The following SHB variants were observed in gnomAD, a reference collection of about 807,000 sequenced individuals.
SHB encodes SH2 domain containing adaptor protein B, also known as SH2 domain-containing adapter protein B.
SHB carries 20 observed loss-of-function variants against 52.3 expected under a neutral mutation model. That is an observed-to-expected ratio of 0.38 (90% confidence interval 0.27 to 0.56). The LOEUF (loss-of-function observed/expected upper bound fraction) is 0.56. Ranked by LOEUF, SHB falls within the 20% of genes least tolerant of loss-of-function variation. The pLI is 0.71. For missense variants in SHB, 825 were observed against 723.3 expected (o/e 1.14, Z -1.61); for synonymous variants, 397 against 316.5 (o/e 1.25, Z -2.70).
chr9:38,046,358 T>C (rs970960530), intron 1 of SHB, among the ~76,000 whole-genome samples: 1 of 152,222 alleles, frequency 6.6e-6, no homozygotes, highest in Admixed American at 6.5e-5. Context: ...CCTGAAATAC[T>C]ATTTGGCCCT....
chr9:38,029,328 T>C (rs1821384986), intron 1 of SHB, among the ~76,000 whole-genome samples: 1 of 152,264 alleles, frequency 6.6e-6, no homozygotes, highest in Admixed American at 6.5e-5. Context: ...CATACAACAG[T>C]ATAGACAAGC....
chr9:38,017,296 C>T (rs978266013), intron 1 of SHB, among the ~76,000 whole-genome samples: 12 of 152,216 alleles, frequency 7.9e-5, no homozygotes, highest in African/African-American at 2.9e-4. Flanking sequence ...GCGTTCCTCT[C>T]AACCCTTGGG....
intron 1 of SHB, among the ~76,000 whole-genome samples, chr9:38,055,808 C>T (rs749897688): frequency 1.3e-5 from 2 of 151,876 alleles, no homozygotes; most frequent in African/African-American, 2.4e-5. Context: ...GCTCAAGCCA[C>T]ATGGGCAGGG....
intron 5 of SHB, 151 bp downstream of exon 5, chr9:37,948,484 T>G (rs1307615395): frequency 2.6e-5 from 22 of 862,034 alleles, no homozygotes; most frequent in African/African-American, 6.7e-5. Flanking sequence ...CCCAGGAGAA[T>G]AGGATCAAAT....
intron 1 of SHB, among the ~76,000 whole-genome samples, chr9:38,049,562 C>T (rs1481213925): frequency 6.7e-6 from 1 of 150,292 alleles, no homozygotes; most frequent in East Asian, 2.0e-4. Context: ...AGTGAGCTAT[C>T]GCACCACTGC....
chr9:37,987,717 G>T (rs1431311135), intron 2 of SHB, among the ~76,000 whole-genome samples: 4 of 152,182 alleles, frequency 2.6e-5, no homozygotes, highest in Non-Finnish European at 5.9e-5. Flanking sequence ...ATCATGGTTG[G>T]GGGGCCTGGG....
intron 2 of SHB, among the ~76,000 whole-genome samples, chr9:37,995,004 G>A (rs974390377): frequency 6.6e-6 from 1 of 152,158 alleles, no homozygotes; most frequent in African/African-American, 2.4e-5. Flanking sequence ...CGTTCTTCCT[G>A]AGTGTTTCAT....
chr9:38,041,034 G>C (rs1056612290), intron 1 of SHB, among the ~76,000 whole-genome samples: 1 of 151,996 alleles, frequency 6.6e-6, no homozygotes, highest in African/African-American at 2.4e-5. Context: ...AGCAGAGAAG[G>C]TCTGAGGACA....
chr9:37,967,933 A>G (rs539273069), intron 3 of SHB, among the ~76,000 whole-genome samples: 1 of 152,214 alleles, frequency 6.6e-6, no homozygotes, highest in Non-Finnish European at 1.5e-5. Context: ...GGGACTGAGT[A>G]AAGAATGGAA....
intron 3 of SHB, among the ~76,000 whole-genome samples, chr9:37,972,394 T>G (rs10973628): frequency 0.15 from 22,182 of 152,130 alleles, 2,066 homozygotes; most frequent in South Asian, 0.23. Flanking sequence ...CTGGGGCAAC[T>G]AAGGACCTAC....
At chr9:37,938,606 G>A (rs1832401812) in intron 5 of SHB, among the ~76,000 whole-genome samples, 1 of 152,216 alleles carries the variant, frequency 6.6e-6, no homozygotes, top group South Asian at 2.1e-4. Context: ...CCTGGTGGCG[G>A]AGCCGCACAG....
At chr9:37,929,631 C>A (rs985542379) in intron 5 of SHB, among the ~76,000 whole-genome samples, 1 of 152,210 alleles carries the variant, frequency 6.6e-6, no homozygotes, top group Admixed American at 6.5e-5. Context: ...GCTGCAGGAG[C>A]GTCTCCTCCA....
chr9:38,046,411 T>C (rs1038553520), intron 1 of SHB, among the ~76,000 whole-genome samples: 4 of 152,210 alleles, frequency 2.6e-5, no homozygotes, highest in African/African-American at 7.2e-5. Flanking sequence ...CACATAAGAA[T>C]TGAATACAGG....
At chr9:37,979,209 G>A (rs1038511794) in intron 2 of SHB, among the ~76,000 whole-genome samples, 2 of 152,210 alleles carry the variant, frequency 1.3e-5, no homozygotes, top group African/African-American at 4.8e-5. Context: ...CATGCAAAAT[G>A]ACCTTTAATA....
At chr9:38,040,773 GTTTGGGGATAGAT>G (rs1279119436) in intron 1 of SHB, among the ~76,000 whole-genome samples, 1 of 152,142 alleles carries the variant, frequency 6.6e-6, no homozygotes, top group Non-Finnish European at 1.5e-5. Context: ...AAGAAAAGGA[GTTTGGGGATAGAT>G]TTTGAGGGCT....
At chr9:37,920,940 A>G (rs761403428) in intron 5 of SHB, among the ~76,000 whole-genome samples, 4 of 152,140 alleles carry the variant, frequency 2.6e-5, no homozygotes, top group Non-Finnish European at 5.9e-5. Flanking sequence ...CAGCCCTTGC[A>G]GCCTGCCTGC....
chr9:37,956,959 C>A (rs1405653014), intron 3 of SHB, among the ~76,000 whole-genome samples: 1 of 152,230 alleles, frequency 6.6e-6, no homozygotes, highest in Non-Finnish European at 1.5e-5. Flanking sequence ...TGTGTCTGCT[C>A]AATGCACACA....
Position 37,917,478 on chromosome 9 carries a change from G to C in SHB, c.*2343C>G, listed in dbSNP as rs554375511. Among the ~76,000 whole-genome samples, 2 of 152,292 alleles carry C rather than the reference G, an allele frequency of 1.3e-5. No individual in the cohort carries two copies. Among genetic ancestry groups the C allele is most frequent in the South Asian group, 4.2e-4 (2 of 4,814 alleles). On this transcript the variant is annotated 3_prime_UTR_variant, in exon 6 of 6. Transcript: ENST00000377707. ...GATGGTCTACAGGGAAGGACCGTGA[G>C]GTGCGGCCCCACCCAGCAGCCTCAG... is the stretch of plus-strand genomic sequence containing the variant.
Position 38,041,498 on chromosome 9 carries a change from T to A in SHB, c.718-25367A>T, listed in dbSNP as rs144515631. Among the ~76,000 whole-genome samples the A allele has an allele frequency of 7.1e-3, 1,083 of 151,592 alleles. 16 individuals carry two copies. Among genetic ancestry groups the A allele is most frequent in the African/African-American group, 0.026 (1,054 of 41,246 alleles). Reference sequence around the variant, plus strand: ...GCAAACCTGCATTTGCTAGGCTGGATGGGTGATGGGAAGGAGAAGGGCATG... The same window carrying A: ...GCAAACCTGCATTTGCTAGGCTGGAAGGGTGATGGGAAGGAGAAGGGCATG... On this transcript the variant is annotated intron_variant, in intron 1 of 5. Coordinates refer to ENST00000377707, the MANE Select transcript of SHB (RefSeq NM_003028.3).
Sources: allele counts gnomAD v4.1 joint callset (sites outside exome capture counted in the v4.1 genomes callset), GRCh38; gene constraint gnomAD v4.1.1; transcripts MANE v1.5; gene names NCBI Gene and HGNC (gene_info 2026-07-23, HGNC 2026-07-21).